NDST4: variants seen among roughly 807,000 people sequenced by gnomAD.
NDST4 encodes the protein N-deacetylase and N-sulfotransferase 4.
A neutral mutation model predicts 100.8 loss-of-function variants in NDST4; 63 were observed. The observed-to-expected ratio is 0.62, with a 90% CI of 0.51 to 0.77. The LOEUF is 0.77. NDST4 is among the 30% of genes least tolerant of loss of function. NDST4 has a pLI of 0.00. For synonymous variants in NDST4, 377 were observed against 361.8 expected (o/e 1.04, Z -0.48); for missense variants, 943 against 1,018.4 (o/e 0.93, Z 1.01).
At chr4:114,895,283 T>C (rs1450304671) in intron 6 of NDST4, among the ~76,000 whole-genome samples, 6 of 151,678 alleles carry the variant, frequency 4.0e-5, no homozygotes, top group South Asian at 2.1e-4. Flanking sequence ...ATAGACACAA[T>C]TGAAAATAAT....
At chr4:114,871,944 T>C (rs1444677323) in intron 6 of NDST4, among the ~76,000 whole-genome samples, 1 of 151,984 alleles carries the variant, frequency 6.6e-6, no homozygotes, top group African/African-American at 2.4e-5. Context: ...ATAATAATAT[T>C]AGAACAAATG....
intron 2 of NDST4, among the ~76,000 whole-genome samples, chr4:115,052,893 A>C (rs2126279718): frequency 6.6e-6 from 1 of 152,266 alleles, no homozygotes; most frequent in African/African-American, 2.4e-5. Context: ...TTACGAAAAA[A>C]CAGTAGTCAC....
chr4:114,972,398 T>A (rs279525), intron 3 of NDST4, among the ~76,000 whole-genome samples: 132,121 of 151,876 alleles, frequency 0.87, 57,947 homozygotes, highest in African/African-American at 0.92. Flanking sequence ...TACACAGAGT[T>A]AAGAAATTCT....
chr4:115,002,641 C>A (rs1727318820), intron 2 of NDST4, among the ~76,000 whole-genome samples: 4 of 151,940 alleles, frequency 2.6e-5, no homozygotes, highest in Admixed American at 2.0e-4. Context: ...TACATTTAAG[C>A]CTTTAAACCA....
At chr4:114,920,918 A>G (rs867840790) in intron 6 of NDST4, among the ~76,000 whole-genome samples, 1 of 152,180 alleles carries the variant, frequency 6.6e-6, no homozygotes, top group African/African-American at 2.4e-5. Flanking sequence ...TATTAAATTC[A>G]TCTCAGCCCT....
At chr4:115,049,321 G>C (rs144418525) in intron 2 of NDST4, among the ~76,000 whole-genome samples, 13 of 152,016 alleles carry the variant, frequency 8.6e-5, no homozygotes, top group African/African-American at 2.9e-4. Context: ...TCAGGATCTC[G>C]GGTGCCTTCT....
At chr4:115,007,890 C>T (rs1464788522) in intron 2 of NDST4, among the ~76,000 whole-genome samples, 1 of 129,564 alleles carries the variant, frequency 7.7e-6, no homozygotes, top group Non-Finnish European at 1.7e-5. Flanking sequence ...GGATCTGAGG[C>T]CTGAGTAAAA....
chr4:114,931,070 C>T (rs1460564224), intron 6 of NDST4, among the ~76,000 whole-genome samples: 1 of 152,008 alleles, frequency 6.6e-6, no homozygotes, highest in South Asian at 2.1e-4. Flanking sequence ...CTACTGAGAT[C>T]TCCAGCCAGA....
intron 7 of NDST4, among the ~76,000 whole-genome samples, chr4:114,857,675 G>A (rs571642407): frequency 6.6e-6 from 1 of 152,282 alleles, no homozygotes; most frequent in Non-Finnish European, 1.5e-5. Context: ...AACTCTTTCA[G>A]TTGTCAGAGT....
chr4:114,951,046 G>T (rs184402618), intron 4 of NDST4, among the ~76,000 whole-genome samples: 1 of 151,900 alleles, frequency 6.6e-6, no homozygotes, highest in East Asian at 1.9e-4. Flanking sequence ...AGAAAAGAAG[G>T]GGAGAAGGAG....
intron 10 of NDST4, among the ~76,000 whole-genome samples, chr4:114,845,339 GTT>G (rs1002427964): frequency 6.6e-6 from 1 of 152,020 alleles, no homozygotes; most frequent in Non-Finnish European, 1.5e-5. Context: ...CTCCAATTGG[GTT>G]GATTATTTTC....
intron 6 of NDST4, among the ~76,000 whole-genome samples, chr4:114,901,723 T>A (rs1357270505): frequency 6.6e-6 from 1 of 151,992 alleles, no homozygotes; most frequent in African/African-American, 2.4e-5. Context: ...CTTTCAATTT[T>A]TTTTTTGCCT....
At chr4:114,903,123 T>C (rs1724881477) in intron 6 of NDST4, among the ~76,000 whole-genome samples, 1 of 152,114 alleles carries the variant, frequency 6.6e-6, no homozygotes, top group African/African-American at 2.4e-5. Flanking sequence ...TTCTGCCTTT[T>C]AGTATGCCTT....
intron 6 of NDST4, among the ~76,000 whole-genome samples, chr4:114,890,446 G>T (rs1053217173): frequency 6.6e-6 from 1 of 151,972 alleles, no homozygotes; most frequent in African/African-American, 2.4e-5. Context: ...TCCTTTATAG[G>T]AAATACTCTA....
intron 4 of NDST4, among the ~76,000 whole-genome samples, chr4:114,964,052 T>C (rs1323254818): frequency 6.6e-6 from 1 of 152,176 alleles, no homozygotes; most frequent in African/African-American, 2.4e-5. Context: ...CTGATATTTA[T>C]ATAATAAAAG....
chr4:115,056,082 T>C (rs1728688129), intron 2 of NDST4, among the ~76,000 whole-genome samples: 2 of 152,150 alleles, frequency 1.3e-5, no homozygotes, highest in Admixed American at 6.6e-5. Flanking sequence ...CCAGGCGCAG[T>C]GGCTCACACC....
At chr4:114,950,187 T>C (rs1725959787) in intron 4 of NDST4, among the ~76,000 whole-genome samples, 2 of 152,048 alleles carry the variant, frequency 1.3e-5, no homozygotes, top group African/African-American at 4.8e-5. Flanking sequence ...ATGAGCTACT[T>C]GATTCCATCT....
At chr4:114,987,175 C>T (rs995266958) in intron 2 of NDST4, among the ~76,000 whole-genome samples, 4 of 152,090 alleles carry the variant, frequency 2.6e-5, no homozygotes, top group African/African-American at 4.8e-5. Context: ...GAATAACATA[C>T]ATATACATAT....
At chr4:114,844,479 C>A (rs1196005055) in intron 10 of NDST4, among the ~76,000 whole-genome samples, 1 of 152,140 alleles carries the variant, frequency 6.6e-6, no homozygotes, top group East Asian at 1.9e-4. Context: ...TTCTTTATAT[C>A]CAATGCGTTT....
Sources: allele counts gnomAD v4.1 joint callset (sites outside exome capture counted in the v4.1 genomes callset), GRCh38; gene constraint gnomAD v4.1.1; transcripts MANE v1.5; gene names NCBI Gene and HGNC (gene_info 2026-07-23, HGNC 2026-07-21).